Variants in ADAM30 observed in about 807,000 individuals in gnomAD.
ADAM30 encodes ADAM metallopeptidase domain 30.
For synonymous variants in ADAM30, 382 were observed against 340.9 expected (o/e 1.12, Z -1.33); for missense variants, 960 against 959.4 (o/e 1.00, Z -0.01).
rs762534011 is a variant in ADAM30, at chr1:119,894,296, C to T, written c.2041G>A (p.Ala681Thr). 3.7e-6 allele frequency: 6 copies of T among 1,614,030 alleles called. No homozygotes were observed. Among genetic ancestry groups the T allele is most frequent in the Middle Eastern group, 1.6e-4 (1 of 6,084 alleles). The change falls in exon 1 of 1, where the codon GCG becomes ACG. Residue 681 changes from alanine (A) to threonine (T), a missense_variant. By Grantham distance (58) the Ala-to-Thr change is moderately conservative. Coordinates refer to ENST00000369400, the MANE Select transcript of ADAM30 (RefSeq NM_021794.4). Reference protein sequence around the residue: ...DSGPPGLLRGAIPSSIWVVSI... With the variant: ...DSGPPGLLRGTIPSSIWVVSI... ...ACAACCCAAATTGACGAGGGAATCG[C>T]CCCTCTGAGCAGTCCTGGAGGCCCA...
In ADAM30 at chr1:119,894,842, C is replaced by T; in HGVS notation, c.1495G>A (p.Gly499Arg). The T allele has an allele frequency of 1.9e-6, 3 of 1,614,198 alleles. No individual in the cohort carries two copies. The highest frequency in any genetic ancestry group is 2.5e-6 in the Non-Finnish European group (3 of 1,180,038). ...CKYEGRCFRK[G>R]CRSRYMQCQS... ...CACTGCATATATCTGGATCTGCACC[C>T]CTTCCTGAAACAACGGCCTTCATAC... The change falls in exon 1 of 1, where the codon GGG becomes AGG. Residue 499 changes from glycine (G) to arginine (R), a missense_variant. By Grantham distance (125) the Gly-to-Arg change is moderately radical. Transcript: ENST00000369400.
In ADAM30 at chr1:119,894,817, C is replaced by T. The variant is rs764520153; in HGVS notation, c.1520G>A (p.Cys507Tyr). The T allele has an allele frequency of 1.2e-6, 2 of 1,614,212 alleles. No individual in the cohort carries two copies. Among genetic ancestry groups the T allele is most frequent in the Non-Finnish European group, 1.7e-6 (2 of 1,180,032 alleles). ...GGCATCAGGTCCAAAAATGCTTTGG[C>T]ACTGCATATATCTGGATCTGCACCC... ...RKGCRSRYMQ[C>Y]QSIFGPDAME... The change falls in exon 1 of 1, where the codon TGC becomes TAC. Residue 507 changes from cysteine (C) to tyrosine (Y), a missense_variant. Cys to Tyr is a radical substitution (Grantham distance 194). Transcript: ENST00000369400.
In ADAM30 at chr1:119,895,067, C is replaced by T; in HGVS notation, c.1270G>A (p.Asp424Asn). The change falls in exon 1 of 1, where the codon GAT (aspartate) becomes AAT (asparagine). Residue 424 changes from aspartate to asparagine, a missense_variant. Coordinates refer to ENST00000369400, the MANE Select transcript of ADAM30 (RefSeq NM_021794.4). ...DCGSTEECQK[D>N]RCCQSNCKLQ... ...TTACAATTTGATTGGCAACACCGAT[C>T]TTTCTGACACTCCTCTGTGGAACCA... The T allele has an allele frequency of 6.2e-7, 1 of 1,614,192 alleles. No individual in the cohort carries two copies. The highest frequency in any genetic ancestry group is 8.5e-7 in the Non-Finnish European group (1 of 1,180,038).
In ADAM30 at chr1:119,895,408, C is replaced by G. The variant is rs751005187; in HGVS notation, c.929G>C (p.Gly310Ala). The change falls in exon 1 of 1, where the codon GGA (glycine) becomes GCA (alanine). Residue 310 changes from glycine to alanine, a missense_variant. Coordinates refer to ENST00000369400, the MANE Select transcript of ADAM30 (RefSeq NM_021794.4). ...KYNDALAWSF[G>A]KVCSLEYAGS... is the part of the protein sequence containing the mutation. ...AGCATATTCTAGAGAACACACTTTT[C>G]CAAACGACCATGCAAGAGCATCATT... The G allele has an allele frequency of 6.3e-5, 102 of 1,613,764 alleles. No homozygotes were observed. Among genetic ancestry groups the G allele is most frequent in the Non-Finnish European group, 8.3e-5 (98 of 1,179,972 alleles).
In ADAM30 at chr1:119,895,158, T is replaced by A. The variant is rs756845946; in HGVS notation, c.1179A>T (p.Pro393=). The A allele has an allele frequency of 1.9e-6, 3 of 1,614,172 alleles. No homozygotes were observed. In the South Asian group the frequency reaches 3.3e-5, roughly 18 times the overall value. ...SSGATCLNNI[P]GLGYVLKRCG... ...ATCTCTTAAGCACATAACCTAGTCCTGGGATATTATTTAGACATGTTGCTC... is the reference window on the plus strand; with the variant it reads ...ATCTCTTAAGCACATAACCTAGTCCAGGGATATTATTTAGACATGTTGCTC... The change falls in exon 1 of 1, where the codon CCA becomes CCT. Residue 393 remains proline (P), a synonymous_variant. Coordinates refer to ENST00000369400, the MANE Select transcript of ADAM30 (RefSeq NM_021794.4).
rs917872351 is a variant in ADAM30, at chr1:119,895,523, C to T, written c.814G>A (p.Val272Ile). 1.2e-6 allele frequency: 2 copies of T among 1,613,738 alleles called. No homozygotes were observed. The highest frequency in any genetic ancestry group is 2.7e-5 in the African/African-American group (2 of 74,924). The change falls in exon 1 of 1, where the codon GTT becomes ATT. Residue 272 changes from valine to isoleucine, a missense_variant. Physicochemically the swap from Val to Ile is conservative, Grantham distance 29 (BLOSUM62 3). Transcript: ENST00000369400. Reference protein sequence around the residue: ...IRVGYPELAEVLGRFVIYKKS... With the variant: ...IRVGYPELAEILGRFVIYKKS... ...TTATATATTACAAATCTGCCTAAAA[C>T]TTCAGCTAACTCTGGATATCCAACG... is the stretch of plus-strand genomic sequence containing the variant.
Position 119,893,748 on chromosome 1 carries a change from C to G in ADAM30, c.*216G>C, listed in dbSNP as rs1648488144. 3 of 903,406 alleles carry G rather than the reference C, an allele frequency of 3.3e-6. No individual in the cohort carries two copies. The African/African-American group carries it at 5.1e-5, about 15-fold the overall frequency. The allele number at this position is 903,406 out of a possible 1,614,324, so 56.0% of individuals were successfully genotyped here. On this transcript the variant is annotated 3_prime_UTR_variant, in exon 1 of 1. Coordinates refer to ENST00000369400, the MANE Select transcript of ADAM30 (RefSeq NM_021794.4). ...CATTAGAGCATGATTCTCAGAATAC[C>G]CACAACTTGGTCACAAACTGAGGGG...
chr1:119,893,730 G>A lies in ADAM30; in HGVS notation c.*234C>T, dbSNP rs752925669. 1.8e-5 allele frequency: 13 copies of A among 725,148 alleles called. No individual in the cohort carries two copies. The highest frequency in any genetic ancestry group is 1.0e-4 in the Admixed American group (3 of 28,586). 44.9% of individuals were successfully genotyped at this position (725,148 alleles called of 1,614,324 possible). A position where few individuals can be genotyped will look rare whatever the true frequency, so the allele number is the denominator to read the frequency against. ...TTTAGTGTATGGAAAAGCCATTAGA[G>A]CATGATTCTCAGAATACCCACAACT... On this transcript the variant is annotated 3_prime_UTR_variant, in exon 1 of 1. Coordinates refer to ENST00000369400, the MANE Select transcript of ADAM30 (RefSeq NM_021794.4).
chr1:119,894,383 A>G lies in ADAM30; in HGVS notation c.1954T>C (p.Cys652Arg), dbSNP rs1225811644. The G allele has an allele frequency of 5.6e-6, 9 of 1,614,082 alleles. No individual in the cohort carries two copies. Among genetic ancestry groups the G allele is most frequent in the Non-Finnish European group, 7.6e-6 (9 of 1,180,048 alleles). Reference sequence around the variant, plus strand: ...AATGGAGGTGCCCACCCATACATGCAGTGGCAGTTTTTTCTGTTGTTGCAA... The same window carrying G: ...AATGGAGGTGCCCACCCATACATGCGGTGGCAGTTTTTTCTGTTGTTGCAA... Reference protein sequence around the residue: ...GVCNNRKNCHCMYGWAPPFCE... With the variant: ...GVCNNRKNCHRMYGWAPPFCE... Residue 652 changes from cysteine to arginine, a missense_variant, in exon 1 of 1, where the codon TGC (cysteine) becomes CGC (arginine). Physicochemically the swap from Cys to Arg is radical, Grantham distance 180. Coordinates refer to ENST00000369400, the MANE Select transcript of ADAM30 (RefSeq NM_021794.4).
rs1648595664 is a variant in ADAM30 at position 119,896,510 on chromosome 1, A to G, written c.-174T>C. On this transcript the variant is annotated 5_prime_UTR_variant, in exon 1 of 1. Transcript: ENST00000369400. ...GGGCTCGGTCTAGCTGGCGTCCGCA[A>G]TGCGCGCGTGACCTGTCCAACGCAT... The G allele has an allele frequency of 2.3e-5, 23 of 998,520 alleles. No homozygotes were observed. In the Admixed American group the frequency reaches 2.7e-4, roughly 12 times the overall value. 61.9% of individuals were successfully genotyped at this position (998,520 alleles called of 1,614,324 possible). A position where few individuals can be genotyped will look rare whatever the true frequency, so the allele number is the denominator to read the frequency against.
rs587760394 is a variant in ADAM30 at position 119,894,664 on chromosome 1, T to C, written c.1673A>G (p.Gln558Arg). Reference sequence around the variant, plus strand: ...AGGGATGGTTTCAACATTTATACACTGTAGCCTGCCACATATTGAATTTGC... The same window carrying C: ...AGGGATGGTTTCAACATTTATACACCGTAGCCTGCCACATATTGAATTTGC... ...ESANSICGRL[Q>R]CINVETIPDL... Residue 558 changes from glutamine (Q) to arginine (R), a missense_variant, in exon 1 of 1, where the codon CAG (glutamine) becomes CGG (arginine). By Grantham distance (43) the Gln-to-Arg change is conservative (BLOSUM62 1). Transcript: ENST00000369400. 1 of 1,614,174 alleles carries C rather than the reference T, an allele frequency of 6.2e-7. No individual in the cohort carries two copies. Among genetic ancestry groups the C allele is most frequent in the African/African-American group, 1.3e-5 (1 of 75,066 alleles).
In ADAM30 at chr1:119,893,909, G is replaced by C; in HGVS notation, c.*55C>G. 6.5e-7 allele frequency: 1 copy of C among 1,545,244 alleles called. No homozygotes were observed. The highest frequency in any genetic ancestry group is 8.7e-7 in the Non-Finnish European group (1 of 1,153,374). Reference sequence around the variant, plus strand: ...AAGAATGGAAAGCCTTTGGATAAATGATTAGCTGGTTAAATAAATGAGCCT... The same window carrying C: ...AAGAATGGAAAGCCTTTGGATAAATCATTAGCTGGTTAAATAAATGAGCCT... On this transcript the variant is annotated 3_prime_UTR_variant, in exon 1 of 1. Transcript: ENST00000369400.
chr1:119,893,982 G>T lies in ADAM30; in HGVS notation c.2355C>A (p.Val785=), dbSNP rs745608722. ...IESKRPKAKS[V]KKQKK is the part of the protein sequence containing the mutation. ...TGCCCGGTTACTTTTTTTGTTTCTT[G>T]ACACTCTTTGCTTTGGGTCGTTTAC... Residue 785 remains valine, a synonymous_variant, in exon 1 of 1, where the codon GTC becomes GTA. Coordinates refer to ENST00000369400, the MANE Select transcript of ADAM30 (RefSeq NM_021794.4). 1 of 1,607,230 alleles carries T rather than the reference G, an allele frequency of 6.2e-7. No individual in the cohort carries two copies. Among genetic ancestry groups the T allele is most frequent in the African/African-American group, 1.3e-5 (1 of 74,234 alleles).
Position 119,894,416 on chromosome 1 carries a change from G to T in ADAM30, c.1921C>A (p.Arg641=). 1 of 1,614,112 alleles carries T rather than the reference G, an allele frequency of 6.2e-7. No homozygotes were observed. The highest frequency in any genetic ancestry group is 2.2e-5 in the East Asian group (1 of 44,876). ...TTTTTTCTGTTGTTGCAAACACCCC[G>T]GGTATTGCATTTCTCAGGCAAACAG... ...FDCLPEKCNT[R]GVCNNRKNCH... The change falls in exon 1 of 1, where the codon CGG becomes AGG. Residue 641 remains arginine, a synonymous_variant. Coordinates refer to ENST00000369400, the MANE Select transcript of ADAM30 (RefSeq NM_021794.4).
Position 119,894,825 on chromosome 1 carries a change from A to G in ADAM30, c.1512T>C (p.Tyr504=), listed in dbSNP as rs1461366861. 2 of 1,614,116 alleles carry G rather than the reference A, an allele frequency of 1.2e-6. No individual in the cohort carries two copies. The highest frequency in any genetic ancestry group is 1.7e-5 in the Admixed American group (1 of 60,010). ...GTCCAAAAATGCTTTGGCACTGCAT[A>G]TATCTGGATCTGCACCCCTTCCTGA... ...RCFRKGCRSR[Y]MQCQSIFGPD... is the part of the protein sequence containing the mutation. The change falls in exon 1 of 1, where the codon TAT becomes TAC. Residue 504 remains tyrosine (Y), a synonymous_variant. Transcript: ENST00000369400.
In ADAM30 at chr1:119,896,473, C is replaced by A. The variant is rs1437346993; in HGVS notation, c.-137G>T. ...CCCTGGCAGGGTTTCCGGGGGAGCCCGTAGCCTCCCAGGGCTCGGTCTAGC... is the reference window on the plus strand; with the variant it reads ...CCCTGGCAGGGTTTCCGGGGGAGCCAGTAGCCTCCCAGGGCTCGGTCTAGC... On this transcript the variant is annotated 5_prime_UTR_variant, in exon 1 of 1. Coordinates refer to ENST00000369400, the MANE Select transcript of ADAM30 (RefSeq NM_021794.4). 2 of 1,365,544 alleles carry A rather than the reference C, an allele frequency of 1.5e-6. No homozygotes were observed. The highest frequency in any genetic ancestry group is 1.9e-6 in the Non-Finnish European group (2 of 1,043,522). The allele number at this position is 1,365,544 out of a possible 1,614,324, so 84.6% of individuals were successfully genotyped here.
In ADAM30 at chr1:119,894,243, T is replaced by C; in HGVS notation, c.2094A>G (p.Leu698=). Reference sequence around the variant, plus strand: ...ACACAAAAACCACTGAAAGGATTAATAAAATAAGGCGAAACATTATGATGG... The same window carrying C: ...ACACAAAAACCACTGAAAGGATTAACAAAATAAGGCGAAACATTATGATGG... ...VVSIIMFRLI[L]LILSVVFVFF... The change falls in exon 1 of 1, where the codon TTA becomes TTG. Residue 698 remains leucine, a synonymous_variant. Coordinates refer to ENST00000369400, the MANE Select transcript of ADAM30 (RefSeq NM_021794.4). 1 of 1,614,196 alleles carries C rather than the reference T, an allele frequency of 6.2e-7. No individual in the cohort carries two copies. Among genetic ancestry groups the C allele is most frequent in the Non-Finnish European group, 8.5e-7 (1 of 1,180,026 alleles).
rs1377240467 is a variant in ADAM30 at position 119,895,109 on chromosome 1, T to C, written c.1228A>G (p.Asn410Asp). The change falls in exon 1 of 1, where the codon AAT becomes GAT. Residue 410 changes from asparagine (N) to aspartate (D), a missense_variant. By Grantham distance (23) the Asn-to-Asp change is conservative. Coordinates refer to ENST00000369400, the MANE Select transcript of ADAM30 (RefSeq NM_021794.4). ...KRCGNKIVEDNEECDCGSTEE... is the reference protein window; with the variant it reads ...KRCGNKIVEDDEECDCGSTEE... ...GTGGAACCACAGTCACATTCCTCAT[T>C]GTCCTCCACAATTTTGTTTCCACAT... The C allele has an allele frequency of 6.2e-7, 1 of 1,614,174 alleles. No homozygotes were observed. Among genetic ancestry groups the C allele is most frequent in the Non-Finnish European group, 8.5e-7 (1 of 1,180,016 alleles).
chr1:119,896,438 A>T lies in ADAM30; in HGVS notation c.-102T>A. ...CGCCGCTAGAGGCGCCTGAGCTCAA[A>T]ACCCGGCTCCCCTGGCAGGGTTTCC... On this transcript the variant is annotated 5_prime_UTR_variant, in exon 1 of 1. Transcript: ENST00000369400. 7.0e-7 allele frequency: 1 copy of T among 1,422,472 alleles called. No individual in the cohort carries two copies. Among genetic ancestry groups the T allele is most frequent in the Non-Finnish European group, 9.2e-7 (1 of 1,086,536 alleles). 88.1% of individuals were successfully genotyped at this position (1,422,472 alleles called of 1,614,324 possible).
Sources: allele counts gnomAD v4.1 joint callset, GRCh38; gene constraint gnomAD v4.1.1; transcripts MANE v1.5; gene names NCBI Gene and HGNC (gene_info 2026-07-23, HGNC 2026-07-21).